The following NFKBIE variants were observed in gnomAD, a reference collection of about 807,000 sequenced individuals.
NFKBIE encodes NFKB inhibitor epsilon, also known as NF-kappa-B inhibitor epsilon.
In NFKBIE, 11 loss-of-function variants were observed where a neutral mutation model predicts 31.6. The observed-to-expected ratio is 0.35, with a 90% CI of 0.22 to 0.58. The LOEUF (loss-of-function observed/expected upper bound fraction) is 0.58, where lower values mean the gene tolerates loss of function less well. Ranked by LOEUF, NFKBIE falls within the 20% of genes least tolerant of loss-of-function variation. The pLI, the probability that NFKBIE is intolerant of heterozygous loss-of-function variation, is 0.83. For missense variants in NFKBIE, 354 were observed against 465.7 expected, an observed-to-expected ratio of 0.76 and a Z score of 2.21; for synonymous variants, 208 against 210.1, an observed-to-expected ratio of 0.99 and a Z score of 0.09.
intron 2 of NFKBIE, among the ~76,000 whole-genome samples, chr6:44,262,346 G>A (rs371703986): frequency 1.3e-5 from 2 of 152,162 alleles, no homozygotes; most frequent in Non-Finnish European, 2.9e-5. Context: ...TTGTCACCAG[G>A]CTGTGTATTT....
chr6:44,265,480 T>TG lies in NFKBIE; in HGVS notation c.-135dup. ...CCGCGGCGGCCTCCTTCCCGGGCTGTGGGGCTCCGAGGGGCCGGCGCGCAG... is the reference window on the plus strand; with the variant it reads ...CCGCGGCGGCCTCCTTCCCGGGCTGTGGGGGCTCCGAGGGGCCGGCGCGCAG... On this transcript the variant is annotated 5_prime_UTR_variant, in exon 1 of 6. Transcript: ENST00000619360. 6.5e-7 allele frequency: 1 copy of TG among 1,528,150 alleles called. No individual in the cohort carries two copies. The highest frequency in any genetic ancestry group is 8.8e-7 in the Non-Finnish European group (1 of 1,141,084). The allele number at this position is 1,528,150 out of a possible 1,614,324, so 94.7% of individuals were successfully genotyped here.
At chr6:44,262,703 C>T in intron 1 of NFKBIE, 41 bp from the exon 2 acceptor site, 2 of 1,532,330 alleles carry the variant, frequency 1.3e-6, no homozygotes, top group Non-Finnish European at 1.8e-6. Context: ...AGGGCCCAGG[C>T]CAGAGGGAGT....
Position 44,263,466 on chromosome 6 carries a change from G to A in NFKBIE, c.366-804C>T, listed in dbSNP as rs1781999698. On this transcript the variant is annotated intron_variant, in intron 1 of 5. Transcript: ENST00000619360. The surrounding 1 kb of genome is among the most constrained non-coding windows in gnomAD (Gnocchi z 5.0). Reference sequence around the variant, plus strand: ...GCTGCCTTGGGGCATTAGTGAGGGGGGTAGATTGGCTAAAAGGCCCGTCTG... The same window carrying A: ...GCTGCCTTGGGGCATTAGTGAGGGGAGTAGATTGGCTAAAAGGCCCGTCTG... 6.6e-6 allele frequency among the ~76,000 whole-genome samples: 1 copy of A among 152,018 alleles called. No homozygotes were observed. The highest frequency in any genetic ancestry group is 6.6e-5 in the Admixed American group (1 of 15,254).
chr6:44,261,330 A>G lies in NFKBIE; in HGVS notation c.691+296T>C, dbSNP rs1296348611. On this transcript the variant is annotated intron_variant, in intron 3 of 5. Coordinates refer to ENST00000619360, the MANE Select transcript of NFKBIE (RefSeq NM_004556.3). This position sits in a 1 kb window ranked among gnomAD's most constrained non-coding sequence, Gnocchi z 4.3. The stretch of plus-strand genomic sequence containing the variant: ...CTAGGATAACGTCTGGCACATAGAA[A>G]ACCCTCAGTACATTTCTGTTGAATG... 6.6e-6 allele frequency among the ~76,000 whole-genome samples: 1 copy of G among 152,246 alleles called. No homozygotes were observed. Among genetic ancestry groups the G allele is most frequent in the Non-Finnish European group, 1.5e-5 (1 of 68,046 alleles).
In NFKBIE at chr6:44,263,067, AAAG is replaced by A. The variant is rs752117781; in HGVS notation, c.366-408_366-406del. On this transcript the variant is annotated intron_variant, in intron 1 of 5. Transcript: ENST00000619360. This position sits in a 1 kb window ranked among gnomAD's most constrained non-coding sequence, Gnocchi z 5.0. ...GCACCCCACCACCCCAGCACACAGG[AAAG>A]AAGGAGACAGTTGCAGGGTCACCCC... Among the ~76,000 whole-genome samples the A allele has an allele frequency of 1.6e-4, 24 of 152,222 alleles. No homozygotes were observed. Among genetic ancestry groups the A allele is most frequent in the South Asian group, 8.3e-4 (4 of 4,834 alleles).
Position 44,260,628 on chromosome 6 carries a change from A to G in NFKBIE, c.692-89T>C. ...GGGACCTCCCTACCACTCAGCCCCA[A>G]GGGACTCACAGCCCACTCAATGTCT... On this transcript the variant is annotated intron_variant, in intron 3 of 5. Transcript: ENST00000619360. The surrounding 1 kb of genome is among the most constrained non-coding windows in gnomAD (Gnocchi z 5.5). 8.3e-7 allele frequency: 1 copy of G among 1,198,408 alleles called. No individual in the cohort carries two copies. The highest frequency in any genetic ancestry group is 1.2e-5 in the South Asian group (1 of 81,198). The allele number at this position is 1,198,408 out of a possible 1,614,324, so 74.2% of individuals were successfully genotyped here. A position where few individuals can be genotyped will look rare whatever the true frequency, so the allele number is the denominator to read the frequency against.
Position 44,259,129 on chromosome 6 carries a change from G to C in NFKBIE, c.*90C>G. 7 of 1,374,270 alleles carry C rather than the reference G, an allele frequency of 5.1e-6. No individual in the cohort carries two copies. Among genetic ancestry groups the C allele is most frequent in the Non-Finnish European group, 7.2e-6 (7 of 969,192 alleles). The allele number at this position is 1,374,270 out of a possible 1,614,324, so 85.1% of individuals were successfully genotyped here. ...CAGCAGTCCCTAGGGCACCAGAAGAGCACATAGCCTGGGCCCAAACTGCAG... is the reference window on the plus strand; with the variant it reads ...CAGCAGTCCCTAGGGCACCAGAAGACCACATAGCCTGGGCCCAAACTGCAG... On this transcript the variant is annotated 3_prime_UTR_variant, in exon 6 of 6. Transcript: ENST00000619360.
At position 44,258,812 on chromosome 6, in the gene NFKBIE, G is replaced by C. The variant is rs768454254; in HGVS notation, c.*407C>G. ...GTTTCAGGGTCCTCAACAGCAATAA[G>C]ATGGGACACCTCTCAGGGTTCTGCT... On this transcript the variant is annotated 3_prime_UTR_variant, in exon 6 of 6. Coordinates refer to ENST00000619360, the MANE Select transcript of NFKBIE (RefSeq NM_004556.3). The C allele has an allele frequency of 1.7e-4, 27 of 163,538 alleles. No homozygotes were observed. The highest frequency in any genetic ancestry group is 3.4e-4 in the Non-Finnish European group (25 of 74,360). The allele number at this position is 163,538 out of a possible 1,614,324, so 10.1% of individuals were successfully genotyped here. A position where few individuals can be genotyped will look rare whatever the true frequency, so the allele number is the denominator to read the frequency against.
rs1201582207 is a variant in NFKBIE, at chr6:44,260,408, GGGGCAGGCCCTGGGCC to G, written c.780+27_780+42del. ...AGGGGACTTGGGGATGTGTCAGGTG[GGGGCAGGCCCTGGGCC>G]GGGCAGTGCTTTGCTGGCTGTCTCA... On this transcript the variant is annotated intron_variant, in intron 4 of 5. Coordinates refer to ENST00000619360, the MANE Select transcript of NFKBIE (RefSeq NM_004556.3). The surrounding 1 kb of genome is among the most constrained non-coding windows in gnomAD (Gnocchi z 5.5). 1.2e-6 allele frequency: 2 copies of G among 1,613,530 alleles called. No homozygotes were observed. Among genetic ancestry groups the G allele is most frequent in the African/African-American group, 2.7e-5 (2 of 74,920 alleles).
chr6:44,265,260 TAGGGAGCGC>T lies in NFKBIE; in HGVS notation c.78_86del (p.Arg27_Leu29del). 6.4e-7 allele frequency: 1 copy of T among 1,552,242 alleles called. No individual in the cohort carries two copies. The highest frequency in any genetic ancestry group is 8.7e-7 in the Non-Finnish European group (1 of 1,147,902). ...AGGCTGGAGCCGAGGTGGACTCGGG[TAGGGAGCGC>T]AGAGAGCGCAGAGACTCAATGCCAG... On this transcript the variant is annotated inframe_deletion, in exon 1 of 6. Transcript: ENST00000619360.
At position 44,260,027 on chromosome 6, in the gene NFKBIE, A is replaced by G; in HGVS notation, c.1020+16T>C. 1 of 1,610,282 alleles carries G rather than the reference A, an allele frequency of 6.2e-7. No homozygotes were observed. Among genetic ancestry groups the G allele is most frequent in the Non-Finnish European group, 8.5e-7 (1 of 1,176,984 alleles). Reference sequence around the variant, plus strand: ...GGGTGTGCAAGGCCCTGGAGAGCAAAGCATATGCCACTTACTTCCTCAGTC... The same window carrying G: ...GGGTGTGCAAGGCCCTGGAGAGCAAGGCATATGCCACTTACTTCCTCAGTC... On this transcript the variant is annotated intron_variant, in intron 5 of 5. Transcript: ENST00000619360. The surrounding 1 kb of genome is among the most constrained non-coding windows in gnomAD (Gnocchi z 5.5).
Position 44,259,255 on chromosome 6 carries a change from C to T in NFKBIE, c.1050G>A (p.Leu350=), listed in dbSNP as rs1205896735. ...ACAGCAGCAGTTTCCCTGAGATCTT[C>T]AGGTCATCAAAGGGCAAAAGGACAA... ...ESLVLLPFDD[L]KISGKLLLCT... Residue 350 remains leucine (L), a synonymous_variant, in exon 6 of 6, where the codon CTG becomes CTA. Coordinates refer to ENST00000619360, the MANE Select transcript of NFKBIE (RefSeq NM_004556.3). 5 of 1,613,734 alleles carry T rather than the reference C, an allele frequency of 3.1e-6. No homozygotes were observed. The highest frequency in any genetic ancestry group is 4.2e-6 in the Non-Finnish European group (5 of 1,179,780).
At chr6:44,262,122 A>T (rs899386417) in intron 2 of NFKBIE, among the ~76,000 whole-genome samples, 1 of 152,154 alleles carries the variant, frequency 6.6e-6, no homozygotes, top group Non-Finnish European at 1.5e-5. Flanking sequence ...AAGGACATGT[A>T]GGAGGAGAGT....
At chr6:44,264,730 A>G (rs1235473581) in intron 1 of NFKBIE, among the ~76,000 whole-genome samples, 1 of 152,192 alleles carries the variant, frequency 6.6e-6, no homozygotes, top group African/African-American at 2.4e-5. Flanking sequence ...CTAAGGGTGG[A>G]TTATTGGTAG....
In NFKBIE at chr6:44,260,422, G is replaced by A. The variant is rs762182098; in HGVS notation, c.780+29C>T. The A allele has an allele frequency of 6.2e-7, 1 of 1,613,820 alleles. No homozygotes were observed. The highest frequency in any genetic ancestry group is 8.5e-7 in the Non-Finnish European group (1 of 1,179,720). On this transcript the variant is annotated intron_variant, in intron 4 of 5. Transcript: ENST00000619360. This position sits in a 1 kb window ranked among gnomAD's most constrained non-coding sequence, Gnocchi z 5.5. ...TGTGTCAGGTGGGGGCAGGCCCTGG[G>A]CCGGGCAGTGCTTTGCTGGCTGTCT... is the stretch of plus-strand genomic sequence containing the variant.
chr6:44,262,756 C>T, intron 1 of NFKBIE, 94 bp from the exon 2 acceptor site: 1 of 926,676 alleles, frequency 1.1e-6, no homozygotes, highest in Non-Finnish European at 1.7e-6. Flanking sequence ...CAAACTTTAA[C>T]TAGCTACCCA....
intron 5 of NFKBIE, 22 bp from the exon 6 acceptor site, chr6:44,259,306 A>C (rs1468199007): frequency 1.9e-6 from 3 of 1,588,434 alleles, no homozygotes; most frequent in Non-Finnish European, 2.6e-6. Context: ...AATGGAGAGA[A>C]GCAAGATCAG....
At position 44,260,433 on chromosome 6, in the gene NFKBIE, C is replaced by T. The variant is rs368965123; in HGVS notation, c.780+18G>A. The T allele has an allele frequency of 1.2e-6, 2 of 1,614,014 alleles. No homozygotes were observed. Among genetic ancestry groups the T allele is most frequent in the African/African-American group, 2.7e-5 (2 of 74,918 alleles). On this transcript the variant is annotated intron_variant, in intron 4 of 5. Coordinates refer to ENST00000619360, the MANE Select transcript of NFKBIE (RefSeq NM_004556.3). The surrounding 1 kb of genome is among the most constrained non-coding windows in gnomAD (Gnocchi z 5.5). ...GGGGCAGGCCCTGGGCCGGGCAGTG[C>T]TTTGCTGGCTGTCTCACCTGCACAT...
rs1781881515 is a variant in NFKBIE, at chr6:44,260,862, C to CACACACACACACACACACACATACAG, written c.692-324_692-323insCTGTATGTGTGTGTGTGTGTGTGTGT. Among the ~76,000 whole-genome samples, 1 of 15,676 alleles carries CACACACACACACACACACACATACAG rather than the reference C, an allele frequency of 6.4e-5. No individual in the cohort carries two copies. Among genetic ancestry groups the CACACACACACACACACACACATACAG allele is most frequent in the Non-Finnish European group, 1.1e-4 (1 of 9,204 alleles). The allele number at this position is 15,676 out of a possible 152,430, so 10.3% of individuals were successfully genotyped here. A position where few individuals can be genotyped will look rare whatever the true frequency, so the allele number is the denominator to read the frequency against. The stretch of plus-strand genomic sequence containing the variant: ...ACACACACACACACACACATACAGA[C>CACACACACACACACACACACATACAG]ACACACACACACACACACACACACA... On this transcript the variant is annotated intron_variant, in intron 3 of 5. Transcript: ENST00000619360. The surrounding 1 kb of genome is among the most constrained non-coding windows in gnomAD (Gnocchi z 5.5).
Sources: allele counts gnomAD v4.1 joint callset (sites outside exome capture counted in the v4.1 genomes callset), GRCh38; gene constraint gnomAD v4.1.1; non-coding constraint Gnocchi (gnomAD v3.1); transcripts MANE v1.5; gene names NCBI Gene and HGNC (gene_info 2026-07-23, HGNC 2026-07-21).